SCD5: variants seen among roughly 807,000 people sequenced by gnomAD.
The protein encoded by SCD5 is stearoyl-CoA desaturase 5.
SCD5 carries 20 observed loss-of-function variants against 30.4 expected under a neutral mutation model. That is an observed-to-expected ratio of 0.66 (90% CI 0.46 to 0.96). The LOEUF is 0.96. Among genes scored for constraint, SCD5 ranks in the 40% least tolerant of loss-of-function variants. The probability of loss-of-function intolerance (pLI) is 0.00; values close to 1 mark genes in which losing one functional copy is unlikely to be tolerated. For synonymous variants in SCD5, 173 were observed against 176.4 expected (o/e 0.98, Z 0.16); for missense variants, 381 against 443.3 (o/e 0.86, Z 1.26).
intron 1 of SCD5, among the ~76,000 whole-genome samples, chr4:82,715,131 G>A (rs1421088710): frequency 5.9e-5 from 9 of 151,494 alleles, no homozygotes; most frequent in African/African-American, 2.2e-4. Context: ...CAGCTACTTG[G>A]GAGGCTGAGG....
At chr4:82,797,510 A>C (rs1163015069) in intron 1 of SCD5, among the ~76,000 whole-genome samples, 1 of 151,920 alleles carries the variant, frequency 6.6e-6, no homozygotes, top group Admixed American at 6.6e-5. Flanking sequence ...TCCCTTCCCT[A>C]CTGGCAGGAG....
chr4:82,670,714 A>C (rs759276769), intron 3 of SCD5, among the ~76,000 whole-genome samples: 2 of 152,014 alleles, frequency 1.3e-5, no homozygotes, highest in Non-Finnish European at 2.9e-5. Context: ...TATCAATTCC[A>C]TATCAATTGA....
chr4:82,660,625 C>G, intron 3 of SCD5: 2 of 1,356,234 alleles, frequency 1.5e-6, no homozygotes, highest in Non-Finnish European at 1.9e-6. Context: ...TTACCCTGCT[C>G]TAGATGTGGA....
intron 1 of SCD5, among the ~76,000 whole-genome samples, chr4:82,769,998 C>A (rs1007552139): frequency 6.6e-6 from 1 of 152,020 alleles, no homozygotes; most frequent in Non-Finnish European, 1.5e-5. Context: ...CTCCCACACC[C>A]TTTCTGTAAA....
intron 1 of SCD5, among the ~76,000 whole-genome samples, chr4:82,732,204 G>A (rs1262793748): frequency 6.6e-6 from 1 of 151,898 alleles, no homozygotes; most frequent in Non-Finnish European, 1.5e-5. Flanking sequence ...GAGTTCAAGC[G>A]ATTCTCCTGC....
chr4:82,660,490 A>C (rs1727973095), intron 3 of SCD5: 2 of 982,666 alleles, frequency 2.0e-6, no homozygotes, highest in South Asian at 4.3e-5. Context: ...TTATAAATGG[A>C]ATATCTCCTA....
At chr4:82,733,112 G>C (rs958139002) in intron 1 of SCD5, among the ~76,000 whole-genome samples, 12 of 152,138 alleles carry the variant, frequency 7.9e-5, no homozygotes, top group Non-Finnish European at 1.2e-4. Context: ...GGAATTTTAT[G>C]AACTAGGGAA....
chr4:82,640,787 G>C (rs72911247), intron 3 of SCD5, among the ~76,000 whole-genome samples: 6,440 of 152,130 alleles, frequency 0.042, 181 homozygotes, highest in Middle Eastern at 0.092. Context: ...TGAATGGTCT[G>C]GCCAAGGGGC....
At chr4:82,754,972 C>T (rs1255378458) in intron 1 of SCD5, among the ~76,000 whole-genome samples, 2 of 152,206 alleles carry the variant, frequency 1.3e-5, no homozygotes, top group East Asian at 1.9e-4. Flanking sequence ...CAGAGACAGC[C>T]GCTAAAACAG....
rs79029357 is a variant in SCD5 at position 82,685,062 on chromosome 4, C to T, written c.364-4150G>A. The stretch of plus-strand genomic sequence containing the variant: ...AGAGTTTATACTGAATTGTAGGTTC[C>T]AGTAGATCACAGTCTTACTCTGCAA... On this transcript the variant is annotated intron_variant, in intron 2 of 4. Transcript: ENST00000319540. Among the ~76,000 whole-genome samples the T allele has an allele frequency of 2.1e-3, 317 of 152,250 alleles. 7 individuals carry two copies. In the East Asian group the frequency reaches 0.051, roughly 24 times the overall value.
intron 1 of SCD5, among the ~76,000 whole-genome samples, chr4:82,769,263 A>G (rs1184007258): frequency 6.6e-6 from 1 of 152,132 alleles, no homozygotes; most frequent in Non-Finnish European, 1.5e-5. Flanking sequence ...CTTAACTATA[A>G]AGTGGGGCTA....
chr4:82,673,973 A>G (rs563830661), intron 3 of SCD5, among the ~76,000 whole-genome samples: 31 of 152,308 alleles, frequency 2.0e-4, no homozygotes, highest in African/African-American at 7.5e-4. Context: ...GAATTCAGAC[A>G]CAGACTTCAC....
chr4:82,762,259 T>A, intron 1 of SCD5, among the ~76,000 whole-genome samples: 1 of 1,436 alleles, frequency 7.0e-4, no homozygotes, highest in South Asian at 0.036. Flanking sequence ...CTCAAGGGGC[T>A]AATTTTTTTT....
chr4:82,688,753 A>G (rs1389012211), intron 2 of SCD5, among the ~76,000 whole-genome samples: 2 of 152,206 alleles, frequency 1.3e-5, no homozygotes, highest in Non-Finnish European at 1.5e-5. Context: ...AGTAGTTTAA[A>G]AAGTGCCAAT....
rs532915075 is a variant in SCD5 at position 82,695,041 on chromosome 4, C to A, written c.363+10242G>T. Among the ~76,000 whole-genome samples, 31 of 129,348 alleles carry A rather than the reference C, an allele frequency of 2.4e-4. 1 individual carries two copies. In the South Asian group the frequency reaches 7.7e-3, roughly 32 times the overall value. 84.9% of individuals were successfully genotyped at this position (129,348 alleles called of 152,430 possible). ...ACTGTTCTGCAGCCCTTGCAGCAGG[C>A]GTCTGAAGTGGGGACAGCCATGTGG... On this transcript the variant is annotated intron_variant, in intron 2 of 4. Coordinates refer to ENST00000319540, the MANE Select transcript of SCD5 (RefSeq NM_001037582.3).
intron 1 of SCD5, among the ~76,000 whole-genome samples, chr4:82,746,738 A>G (rs1347695928): frequency 6.6e-6 from 1 of 152,022 alleles, no homozygotes; most frequent in East Asian, 1.9e-4. Flanking sequence ...CAGAACTAAC[A>G]TTGATACGGG....
intron 1 of SCD5, among the ~76,000 whole-genome samples, chr4:82,743,222 T>G (rs7683924): frequency 0.72 from 110,169 of 152,164 alleles, 40,526 homozygotes; most frequent in African/African-American, 0.82. Flanking sequence ...TCCTAAAAAT[T>G]AGTTGAGCCA....
chr4:82,658,714 T>C (rs998212616), intron 3 of SCD5, among the ~76,000 whole-genome samples: 2 of 149,304 alleles, frequency 1.3e-5, no homozygotes, highest in Non-Finnish European at 3.0e-5. Context: ...GATCTCCTGA[T>C]GTGCTGCTGG....
At chr4:82,708,633 G>A (rs192544669) in intron 1 of SCD5, among the ~76,000 whole-genome samples, 1 of 152,288 alleles carries the variant, frequency 6.6e-6, no homozygotes, top group Non-Finnish European at 1.5e-5. Context: ...GCTTCTGTGT[G>A]GAAGGCACAA....
Sources: gnomAD v4.1 joint callset for allele counts (sites outside exome capture counted in the v4.1 genomes callset) on GRCh38, gnomAD v4.1.1 for gene constraint, MANE v1.5 for transcripts, NCBI Gene and HGNC (gene_info 2026-07-23, HGNC 2026-07-21) for gene names.